Variants in ERBB4 observed in about 807,000 individuals in gnomAD.
ERBB4 encodes erb-b2 receptor tyrosine kinase 4.
In ERBB4, 42 loss-of-function variants were observed where a neutral mutation model predicts 158.0. The ratio of observed to expected loss-of-function variants is 0.27; its 90% CI spans 0.21 to 0.34. ERBB4 has a LOEUF of 0.34. ERBB4 is among the 10% of genes least tolerant of loss of function. ERBB4 has a pLI of 1.00. For synonymous variants in ERBB4, 583 were observed against 558.7 expected, an observed-to-expected ratio of 1.04 and a Z score of -0.61; for missense variants, 1,333 against 1,624.1, an observed-to-expected ratio of 0.82 and a Z score of 3.08.
At chr2:212,148,078 A>C (rs901879065) in intron 1 of ERBB4, among the ~76,000 whole-genome samples, 1 of 151,690 alleles carries the variant, frequency 6.6e-6, no homozygotes, top group African/African-American at 2.4e-5. Context: ...TAGTAAACTT[A>C]TTTAAAGGTT....
At chr2:211,921,468 A>C (rs1017384687) in intron 3 of ERBB4, among the ~76,000 whole-genome samples, 1 of 152,112 alleles carries the variant, frequency 6.6e-6, no homozygotes, top group Non-Finnish European at 1.5e-5. Context: ...CTGACGTGTA[A>C]GTCTAAAACT....
chr2:211,891,803 C>A (rs1306883287), intron 3 of ERBB4, among the ~76,000 whole-genome samples: 1 of 137,370 alleles, frequency 7.3e-6, no homozygotes, highest in Admixed American at 7.1e-5. Context: ...ACTAGAAAAT[C>A]TAGAAGAAAT....
intron 1 of ERBB4, among the ~76,000 whole-genome samples, chr2:212,246,993 T>C (rs1669719703): frequency 6.6e-6 from 1 of 152,292 alleles, no homozygotes; most frequent in East Asian, 1.9e-4. Context: ...CTGGTTCAAA[T>C]CTCTGAAAAT....
In ERBB4 at chr2:211,413,305, T is replaced by TAAAAAAAAAAAAAAAAAAA. The variant is rs768289370; in HGVS notation, c.3135+7135_3135+7136insTTTTTTTTTTTTTTTTTTT. Among the ~76,000 whole-genome samples the TAAAAAAAAAAAAAAAAAAA allele has an allele frequency of 2.1e-4, 12 of 56,928 alleles. 2 individuals carry two copies. Among genetic ancestry groups the TAAAAAAAAAAAAAAAAAAA allele is most frequent in the Admixed American group, 3.5e-4 (2 of 5,714 alleles). The allele number at this position is 56,928 out of a possible 152,430, so 37.3% of individuals were successfully genotyped here. ...TTGGGGACAGAGAGAGACCCTGTCT[T>TAAAAAAAAAAAAAAAAAAA]AAAAACACACACACACACACACACA... On this transcript the variant is annotated intron_variant, in intron 25 of 27. Coordinates refer to ENST00000342788, the MANE Select transcript of ERBB4 (RefSeq NM_005235.3).
At chr2:212,450,570 G>A (rs1432396428) in intron 1 of ERBB4, among the ~76,000 whole-genome samples, 1 of 152,052 alleles carries the variant, frequency 6.6e-6, no homozygotes, top group East Asian at 1.9e-4. Context: ...ATACAGTTCT[G>A]CTGACTCCTT....
At chr2:212,303,607 A>T (rs549791674) in intron 1 of ERBB4, among the ~76,000 whole-genome samples, 1 of 151,720 alleles carries the variant, frequency 6.6e-6, no homozygotes, top group East Asian at 2.0e-4. Flanking sequence ...ATTTTGTAAT[A>T]GATTACTTAT....
In ERBB4 at chr2:212,300,917, C is replaced by T. The variant is rs2086595951; in HGVS notation, c.83-176014G>A. 3.3e-5 allele frequency among the ~76,000 whole-genome samples: 5 copies of T among 151,574 alleles called. 1 individual carries two copies. In the South Asian group the frequency reaches 1.0e-3, roughly 31 times the overall value. ...CTCTACATGTGCTTCACTCAGGTCTCTATAAAGTAAAGATGCTTTATAGGT... is the reference window on the plus strand; with the variant it reads ...CTCTACATGTGCTTCACTCAGGTCTTTATAAAGTAAAGATGCTTTATAGGT... On this transcript the variant is annotated intron_variant, in intron 1 of 27. Transcript: ENST00000342788.
At chr2:211,773,622 ATATATATATATATATATATATATAT>A (rs2075781113) in intron 4 of ERBB4, among the ~76,000 whole-genome samples, 1 of 65,334 alleles carries the variant, frequency 1.5e-5, no homozygotes, top group Admixed American at 1.3e-4. Flanking sequence ...ATATATATAT[ATATATATATATATATATATATATAT>A]AATATATATA....
chr2:211,901,334 T>A (rs959387190), intron 3 of ERBB4, among the ~76,000 whole-genome samples: 3 of 152,166 alleles, frequency 2.0e-5, no homozygotes, highest in Non-Finnish European at 4.4e-5. Flanking sequence ...GTGATAGATT[T>A]AAAAAACTGT....
At chr2:212,057,495 T>C (rs1421544512) in intron 2 of ERBB4, among the ~76,000 whole-genome samples, 1 of 152,194 alleles carries the variant, frequency 6.6e-6, no homozygotes, top group Non-Finnish European at 1.5e-5. Context: ...CAGCACCACA[T>C]CACACTGATT....
At chr2:211,402,671 C>T (rs984081338) in intron 25 of ERBB4, among the ~76,000 whole-genome samples, 3 of 151,928 alleles carry the variant, frequency 2.0e-5, no homozygotes, top group Non-Finnish European at 4.4e-5. Context: ...GCAGCAAGCT[C>T]ATCCTAAGCG....
intron 5 of ERBB4, among the ~76,000 whole-genome samples, chr2:211,737,916 G>A (rs572658493): frequency 1.3e-4 from 20 of 152,072 alleles, no homozygotes; most frequent in African/African-American, 4.8e-4. Context: ...ACTATTGTAT[G>A]AATATACCCT....
intron 1 of ERBB4, among the ~76,000 whole-genome samples, chr2:212,391,116 G>A (rs932884696): frequency 1.3e-5 from 2 of 151,620 alleles, no homozygotes; most frequent in African/African-American, 4.8e-5. Flanking sequence ...CTTTAACACA[G>A]ACAACTTCAA....
chr2:211,692,731 T>G (rs2072870429), intron 12 of ERBB4, among the ~76,000 whole-genome samples: 1 of 152,178 alleles, frequency 6.6e-6, no homozygotes, highest in Admixed American at 6.5e-5. Context: ...CCCACTCAAA[T>G]AACTTTAGGA....
intron 2 of ERBB4, among the ~76,000 whole-genome samples, chr2:212,089,514 GT>G (rs1254198600): frequency 6.6e-6 from 1 of 152,152 alleles, no homozygotes; most frequent in Non-Finnish European, 1.5e-5. Context: ...CTCATGCATG[GT>G]TTAGCACCAT....
intron 1 of ERBB4, among the ~76,000 whole-genome samples, chr2:212,299,631 T>C (rs896159702): frequency 1.3e-5 from 2 of 151,542 alleles, no homozygotes; most frequent in Non-Finnish European, 3.0e-5. Flanking sequence ...GGTAATGATA[T>C]AGCATTATTT....
chr2:212,426,317 T>C (rs557262391), intron 1 of ERBB4: 14 of 465,468 alleles, frequency 3.0e-5, no homozygotes, highest in East Asian at 2.4e-4. Flanking sequence ...TTAAAAGTAA[T>C]GATAAAAACT....
In ERBB4 at chr2:211,515,912, A is replaced by ATATATATATATATATATATATT. The variant is rs35696520; in HGVS notation, c.2487+45990_2487+45991insAATATATATATATATATATATA. Among the ~76,000 whole-genome samples, 334 of 78,912 alleles carry ATATATATATATATATATATATT rather than the reference A, an allele frequency of 4.2e-3. 1 individual carries two copies. The highest frequency in any genetic ancestry group is 7.8e-3 in the Middle Eastern group (1 of 128). 51.8% of individuals were successfully genotyped at this position (78,912 alleles called of 152,430 possible). On this transcript the variant is annotated intron_variant, in intron 20 of 27. Transcript: ENST00000342788. ...AAACATATATTATATATATATATAT[A>ATATATATATATATATATATATT]TTTTTTTTTTTTTTTTTTTTGAGGC...
chr2:211,604,080 A>G (rs2068894088), intron 19 of ERBB4, among the ~76,000 whole-genome samples: 2 of 152,208 alleles, frequency 1.3e-5, no homozygotes, highest in African/African-American at 4.8e-5. Flanking sequence ...CACACTGCAG[A>G]TTGAGTCTTG....
Sources: gnomAD v4.1 joint callset for allele counts (sites outside exome capture counted in the v4.1 genomes callset) on GRCh38, gnomAD v4.1.1 for gene constraint, MANE v1.5 for transcripts, NCBI Gene and HGNC (gene_info 2026-07-23, HGNC 2026-07-21) for gene names.